Variants in SUMF1 observed in about 807,000 individuals in gnomAD.
SUMF1 encodes the protein sulfatase modifying factor 1.
In SUMF1, 48 loss-of-function variants were observed where a neutral mutation model predicts 47.6. That is an observed-to-expected ratio of 1.01 (90% CI 0.80 to 1.28). SUMF1 has a LOEUF of 1.28. Ranked by LOEUF, SUMF1 falls within the 50% of genes most tolerant of loss-of-function variation. The pLI is 0.00. For synonymous variants in SUMF1, 230 were observed against 192.1 expected (o/e 1.20, Z -1.63); for missense variants, 571 against 485.4 (o/e 1.18, Z -1.66).
chr3:4,337,945 AAG>A (rs1699189499), intron 8 of SUMF1, among the ~76,000 whole-genome samples: 1 of 152,118 alleles, frequency 6.6e-6, no homozygotes, highest in African/African-American at 2.4e-5. Context: ...CAACTTTTTC[AAG>A]GATAAAAAAT....
chr3:4,247,499 G>A (rs1696696703), intron 8 of SUMF1, among the ~76,000 whole-genome samples: 1 of 152,164 alleles, frequency 6.6e-6, no homozygotes, highest in Admixed American at 6.5e-5. Context: ...AATCATTCAG[G>A]AAATCTGATT....
chr3:4,456,348 G>A (rs559027440), intron 1 of SUMF1, among the ~76,000 whole-genome samples: 13 of 151,940 alleles, frequency 8.6e-5, no homozygotes, highest in Admixed American at 2.6e-4. Context: ...ATGTAATACC[G>A]GACATACTAG....
In SUMF1 at chr3:4,374,810, C is replaced by T. The variant is rs139141602; in HGVS notation, c.1014+1520G>A. On this transcript the variant is annotated intron_variant, in intron 8 of 8. Coordinates refer to ENST00000272902, the MANE Select transcript of SUMF1 (RefSeq NM_182760.4). The stretch of plus-strand genomic sequence containing the variant: ...CTGGGATTAAAGACTCTGATGTATA[C>T]GTGAACATGTAAATATATTGGGAAG... Among the ~76,000 whole-genome samples the T allele has an allele frequency of 3.5e-3, 537 of 152,168 alleles. 8 individuals are homozygous for T. Among genetic ancestry groups the T allele is most frequent in the Admixed American group, 0.023 (359 of 15,280 alleles).
At chr3:4,128,355 G>C (rs1015364540) in intron 8 of SUMF1, among the ~76,000 whole-genome samples, 1 of 152,170 alleles carries the variant, frequency 6.6e-6, no homozygotes, top group Non-Finnish European at 1.5e-5. Flanking sequence ...TGATGAAGCA[G>C]GGGACACCGA....
At chr3:4,417,311 G>C (rs999011912) in intron 5 of SUMF1, 69 bp from the exon 6 acceptor site, 1 of 1,303,710 alleles carries the variant, frequency 7.7e-7, no homozygotes, top group African/African-American at 1.5e-5. Flanking sequence ...CAAGAGAAGG[G>C]ATGCAATGAA....
intron 8 of SUMF1, among the ~76,000 whole-genome samples, chr3:4,294,413 A>C (rs1438689928): frequency 6.6e-6 from 1 of 152,108 alleles, no homozygotes; most frequent in South Asian, 2.1e-4. Context: ...AAATTTAAAA[A>C]ATTAGCCAGG....
At chr3:4,139,378 C>T (rs1466275744) in intron 8 of SUMF1, among the ~76,000 whole-genome samples, 1 of 151,512 alleles carries the variant, frequency 6.6e-6, no homozygotes, top group Admixed American at 6.6e-5. Context: ...TATAAGAATT[C>T]AGAAAAAAAT....
intron 8 of SUMF1, among the ~76,000 whole-genome samples, chr3:4,075,486 C>T (rs1427872908): frequency 6.6e-6 from 1 of 151,944 alleles, no homozygotes; most frequent in Non-Finnish European, 1.5e-5. Flanking sequence ...GAAGTTCTGG[C>T]CAGGGCAATT....
intron 8 of SUMF1, among the ~76,000 whole-genome samples, chr3:4,103,894 A>G (rs1693095668): frequency 6.6e-6 from 1 of 152,122 alleles, no homozygotes; most frequent in Admixed American, 6.5e-5. Context: ...AGACCCTCCA[A>G]TTACCTCACA....
rs73806858 is a variant in SUMF1, at chr3:4,067,050, C to G, written c.1191+1519G>C. Among the ~76,000 whole-genome samples the G allele has an allele frequency of 5.9e-3, 903 of 152,220 alleles. 15 individuals carry two copies. The highest frequency in any genetic ancestry group is 0.021 in the African/African-American group (870 of 41,534). ...TCCCCTGGTAATCAGGACCAGTCACCTCACTGAATGCAGTGACCCCTTTTC... is the reference window on the plus strand; with the variant it reads ...TCCCCTGGTAATCAGGACCAGTCACGTCACTGAATGCAGTGACCCCTTTTC... On this transcript the variant is annotated intron_variant and NMD_transcript_variant, in intron 9 of 12. Transcript: ENST00000448413.
chr3:4,132,952 C>T (rs1006258804), intron 8 of SUMF1, among the ~76,000 whole-genome samples: 11 of 152,098 alleles, frequency 7.2e-5, no homozygotes, highest in African/African-American at 2.2e-4. Context: ...GGCCCACACC[C>T]TTCAGGAATG....
chr3:4,340,166 T>C (rs796374802), intron 8 of SUMF1, among the ~76,000 whole-genome samples: 7 of 152,054 alleles, frequency 4.6e-5, no homozygotes, highest in African/African-American at 1.7e-4. Flanking sequence ...CCGGAGTTGT[T>C]AATGTAGTAG....
chr3:4,116,121 T>G (rs1019090149), intron 8 of SUMF1, among the ~76,000 whole-genome samples: 1 of 152,136 alleles, frequency 6.6e-6, no homozygotes, highest in Non-Finnish European at 1.5e-5. Flanking sequence ...AGGCCACAGT[T>G]AACATCATCC....
chr3:4,097,475 C>T (rs1265878990), intron 8 of SUMF1, among the ~76,000 whole-genome samples: 2 of 152,006 alleles, frequency 1.3e-5, no homozygotes, highest in African/African-American at 4.8e-5. Context: ...ATCGCTTGAA[C>T]CTGGGAGGCG....
chr3:4,310,113 T>C (rs1559215472), intron 8 of SUMF1, among the ~76,000 whole-genome samples: 1 of 152,122 alleles, frequency 6.6e-6, no homozygotes, highest in African/African-American at 2.4e-5. Flanking sequence ...ACAGCAAAAA[T>C]ACTGTATTCT....
At chr3:4,045,046 GT>G (rs1176400794) in intron 9 of SUMF1, among the ~76,000 whole-genome samples, 1 of 152,152 alleles carries the variant, frequency 6.6e-6, no homozygotes, top group Non-Finnish European at 1.5e-5. Context: ...TATTTGTTCA[GT>G]TTAGCTAGGC....
intron 8 of SUMF1, among the ~76,000 whole-genome samples, chr3:4,280,579 T>A (rs909533778): frequency 1.3e-5 from 2 of 151,784 alleles, no homozygotes; most frequent in African/African-American, 4.8e-5. Context: ...ATTTAAAAGG[T>A]TTGCGTATCA....
At chr3:4,406,354 A>AT (rs760260845) in intron 7 of SUMF1, among the ~76,000 whole-genome samples, 29 of 152,136 alleles carry the variant, frequency 1.9e-4, no homozygotes, top group Admixed American at 5.9e-4. Flanking sequence ...TTATTCCAAA[A>AT]TTAGAGTTCT....
intron 9 of SUMF1, among the ~76,000 whole-genome samples, chr3:4,063,114 T>G (rs1416561503): frequency 6.6e-6 from 1 of 152,096 alleles, no homozygotes; most frequent in Non-Finnish European, 1.5e-5. Context: ...TCTGAGAGAC[T>G]ACACTTTTAT....
Sources: allele counts gnomAD v4.1 joint callset (sites outside exome capture counted in the v4.1 genomes callset), GRCh38; gene constraint gnomAD v4.1.1; transcripts MANE v1.5; gene names NCBI Gene and HGNC (gene_info 2026-07-23, HGNC 2026-07-21).